The following ZFYVE9 variants were observed in gnomAD, a reference collection of about 807,000 sequenced individuals.
ZFYVE9 encodes the protein zinc finger FYVE-type containing 9.
Under a neutral mutation model 126.7 loss-of-function variants are expected in ZFYVE9, and 43 were observed. The observed-to-expected ratio is 0.34, with a 90% confidence interval of 0.27 to 0.44. The LOEUF is 0.44. ZFYVE9 is among the 20% of genes least tolerant of loss of function. The pLI is 1.00. For missense variants in ZFYVE9, 1,476 were observed against 1,697.0 expected (o/e 0.87, Z 2.29); for synonymous variants, 521 against 597.4 (o/e 0.87, Z 1.87).
intron 14 of ZFYVE9, among the ~76,000 whole-genome samples, chr1:52,333,588 T>G (rs1646363161): frequency 6.6e-6 from 1 of 152,186 alleles, no homozygotes; most frequent in Non-Finnish European, 1.5e-5. Flanking sequence ...TTACCCAAAG[T>G]GTTTTCTCAG....
chr1:52,272,673 CTTTTTT>C (rs58857376), intron 7 of ZFYVE9, among the ~76,000 whole-genome samples: 1 of 121,262 alleles, frequency 8.2e-6, no homozygotes. Flanking sequence ...TAGAAATAAT[CTTTTTT>C]TTTTTTTTTT....
chr1:52,344,101 C>A (rs1646464182), intron 17 of ZFYVE9, among the ~76,000 whole-genome samples: 1 of 151,868 alleles, frequency 6.6e-6, no homozygotes, highest in African/African-American at 2.4e-5. Flanking sequence ...CCTTTAACTT[C>A]CTTTAGTCCT....
intron 13 of ZFYVE9, among the ~76,000 whole-genome samples, chr1:52,308,047 C>A (rs55770375): frequency 1.4e-4 from 22 of 152,148 alleles, no homozygotes; most frequent in Admixed American, 1.4e-3. Flanking sequence ...CCACTGTGCC[C>A]GGCCACAAAC....
Position 52,346,342 on chromosome 1 carries a change from A to ATTT in ZFYVE9, c.*121_*122insTTT. The ATTT allele has an allele frequency of 7.7e-5, 16 of 207,850 alleles. No homozygotes were observed. Among genetic ancestry groups the ATTT allele is most frequent in the Non-Finnish European group, 1.3e-4 (13 of 103,596 alleles). 12.9% of individuals were successfully genotyped at this position (207,850 alleles called of 1,614,324 possible). ...TAACACTATTAATGGGGTGGGGAAT[A>ATTT]GGGTGGGAGTGGGGGTTTGGGAGAC... is the stretch of plus-strand genomic sequence containing the variant. On this transcript the variant is annotated 3_prime_UTR_variant, in exon 19 of 19. Transcript: ENST00000287727.
chr1:52,253,362 T>C (rs1645470992), intron 4 of ZFYVE9, among the ~76,000 whole-genome samples: 1 of 152,178 alleles, frequency 6.6e-6, no homozygotes, highest in Admixed American at 6.5e-5. Flanking sequence ...TAGTAAACAA[T>C]GGAGAAATAT....
intron 16 of ZFYVE9, among the ~76,000 whole-genome samples, chr1:52,339,157 G>C (rs1031212745): frequency 2.6e-5 from 4 of 152,206 alleles, no homozygotes; most frequent in Non-Finnish European, 5.9e-5. Context: ...GGGAGGAAAT[G>C]ACTATCAGAA....
intron 1 of ZFYVE9, among the ~76,000 whole-genome samples, chr1:52,155,371 A>G (rs1644393607): frequency 6.6e-6 from 1 of 150,610 alleles, no homozygotes; most frequent in Non-Finnish European, 1.5e-5. Flanking sequence ...AGTAGCTGGG[A>G]CTACAGGCGC....
intron 2 of ZFYVE9, among the ~76,000 whole-genome samples, chr1:52,222,598 A>G (rs1324281652): frequency 6.6e-6 from 1 of 152,210 alleles, no homozygotes; most frequent in Non-Finnish European, 1.5e-5. Flanking sequence ...TACAGGGTTC[A>G]AGGAGTCCAT....
At chr1:52,178,278 CAAAA>C (rs78982846) in intron 1 of ZFYVE9, among the ~76,000 whole-genome samples, 2 of 19,616 alleles carry the variant, frequency 1.0e-4, no homozygotes, top group African/African-American at 1.4e-4. Flanking sequence ...GACTCCATCT[CAAAA>C]AAAAAAAAAA....
intron 17 of ZFYVE9, 99 bp from the exon 18 acceptor site, chr1:52,344,669 G>A (rs893371137): frequency 9.9e-6 from 13 of 1,306,646 alleles, no homozygotes; most frequent in Non-Finnish European, 1.4e-5. Context: ...ATGTCTTCTT[G>A]CACATCTTGG....
chr1:52,286,170 A>T (rs1049804640), intron 10 of ZFYVE9, among the ~76,000 whole-genome samples: 2 of 152,042 alleles, frequency 1.3e-5, no homozygotes, highest in East Asian at 3.9e-4. Context: ...AAAAAAAAAA[A>T]ACGTATCGCA....
At chr1:52,248,517 A>G (rs1475386773) in intron 4 of ZFYVE9, among the ~76,000 whole-genome samples, 1 of 152,206 alleles carries the variant, frequency 6.6e-6, no homozygotes, top group African/African-American at 2.4e-5. Context: ...AGACACCCAG[A>G]AACAATACCA....
rs1462779598 is a variant in ZFYVE9, at chr1:52,332,987, C to T, written c.3589+69C>T. The T allele has an allele frequency of 1.9e-6, 3 of 1,577,630 alleles. No homozygotes were observed. The South Asian group carries it at 3.4e-5, about 18-fold the overall frequency. On this transcript the variant is annotated intron_variant, in intron 14 of 18. Coordinates refer to ENST00000287727, the MANE Select transcript of ZFYVE9 (RefSeq NM_004799.4). ...ACTGGACTTGGACAGTTAGATACCT[C>T]AGTCCCGTAACACTCACTTTCTAGA...
chr1:52,234,092 C>A (rs1645250475), intron 3 of ZFYVE9, among the ~76,000 whole-genome samples: 1 of 152,170 alleles, frequency 6.6e-6, no homozygotes, highest in African/African-American at 2.4e-5. Flanking sequence ...AGATTCACTT[C>A]TATTTAGGGA....
At chr1:52,177,138 C>T (rs1159514608) in intron 1 of ZFYVE9, among the ~76,000 whole-genome samples, 1 of 151,864 alleles carries the variant, frequency 6.6e-6, no homozygotes, top group African/African-American at 2.4e-5. Flanking sequence ...CATCTTGGCT[C>T]CCCAGCCCGA....
In ZFYVE9 at chr1:52,238,421, C is replaced by G. The variant is rs746694979; in HGVS notation, c.1004C>G (p.Ser335Cys). 1 of 1,614,076 alleles carries G rather than the reference C, an allele frequency of 6.2e-7. No individual in the cohort carries two copies. The highest frequency in any genetic ancestry group is 1.7e-5 in the Admixed American group (1 of 59,996). The change falls in exon 4 of 19, where the codon TCT becomes TGT. Residue 335 changes from serine to cysteine, a missense_variant. This residue lies in a region of ZFYVE9 where 807 missense variants were observed against 794.6 expected (regional missense o/e 1.02). Transcript: ENST00000287727. ...AGCACCACTGAAGAATCCCTCCGGT[C>G]TGGTTTACCTTTGCTTCTCAAACCA... ...EESTTEESLR[S>C]GLPLLLKPDM...
chr1:52,269,236 T>A (rs759517666), intron 7 of ZFYVE9, among the ~76,000 whole-genome samples: 14 of 152,034 alleles, frequency 9.2e-5, no homozygotes, highest in Non-Finnish European at 1.9e-4. Flanking sequence ...TTCAAGCAAT[T>A]CTCCTGCCTC....
In ZFYVE9 at chr1:52,239,281, A is replaced by C; in HGVS notation, c.1864A>C (p.Lys622Gln). ...KNKNDILGKA[K>Q]LGENSATNVC... ...TAAAAATGATATTCTTGGGAAAGCA[A>C]AATTAGGGGAAAACTCAGCAACCAA... The change falls in exon 4 of 19, where the codon AAA becomes CAA. Residue 622 changes from lysine (K) to glutamine (Q), a missense_variant. Around this residue, in one of 2 missense-constraint regions of ZFYVE9, gnomAD observed 807 missense variants for 794.6 expected, o/e 1.02. Coordinates refer to ENST00000287727, the MANE Select transcript of ZFYVE9 (RefSeq NM_004799.4). The C allele has an allele frequency of 1.9e-6, 3 of 1,614,202 alleles. No individual in the cohort carries two copies. The highest frequency in any genetic ancestry group is 2.5e-6 in the Non-Finnish European group (3 of 1,180,024).
At chr1:52,276,074 ATTG>A (rs1569650143) in intron 8 of ZFYVE9, among the ~76,000 whole-genome samples, 1 of 151,726 alleles carries the variant, frequency 6.6e-6, no homozygotes, top group South Asian at 2.1e-4. Context: ...TGCCCGGCTA[ATTG>A]TTGTATTTTT....
Sources: gnomAD v4.1 joint callset for allele counts (sites outside exome capture counted in the v4.1 genomes callset) on GRCh38, gnomAD v4.1.1 for gene constraint, gnomAD v4.1.1 regional missense constraint, MANE v1.5 for transcripts, NCBI Gene and HGNC (gene_info 2026-07-23, HGNC 2026-07-21) for gene names.